The following FREM1 variants were observed in gnomAD, a reference collection of about 807,000 sequenced individuals.
FREM1 encodes the protein FRAS1-related extracellular matrix protein 1.
FREM1 carries 220 observed loss-of-function variants against 210.1 expected under a neutral mutation model. The observed-to-expected ratio is 1.05, with a 90% confidence interval of 0.94 to 1.17. The LOEUF is 1.17. Among genes scored for constraint, FREM1 ranks in the 50% most tolerant of loss-of-function variants. The probability of loss-of-function intolerance (pLI) is 0.00; values close to 1 mark genes in which losing one functional copy is unlikely to be tolerated. For synonymous variants in FREM1, 1,189 were observed against 980.2 expected (o/e 1.21, Z -3.98); for missense variants, 3,454 against 2,675.5 (o/e 1.29, Z -6.42).
At chr9:14,757,183 TA>T (rs1271921067) in intron 28 of FREM1, among the ~76,000 whole-genome samples, 1 of 152,134 alleles carries the variant, frequency 6.6e-6, no homozygotes, top group Admixed American at 6.5e-5. Context: ...GCCCCAAGAC[TA>T]AAAACCAAAG....
At chr9:14,843,706 T>A (rs1826094942) in intron 8 of FREM1, among the ~76,000 whole-genome samples, 1 of 152,034 alleles carries the variant, frequency 6.6e-6, no homozygotes, top group African/African-American at 2.4e-5. Flanking sequence ...TGGCAGCAGT[T>A]CTTAGAGGAG....
intron 5 of FREM1, among the ~76,000 whole-genome samples, chr9:14,856,991 G>A (rs538382012): frequency 3.9e-5 from 6 of 152,174 alleles, no homozygotes; most frequent in Admixed American, 2.6e-4. Context: ...TCAATATATA[G>A]AGATCAATAG....
chr9:14,771,322 T>C (rs901820771), intron 25 of FREM1, among the ~76,000 whole-genome samples: 9 of 152,162 alleles, frequency 5.9e-5, no homozygotes, highest in Non-Finnish European at 1.2e-4. Flanking sequence ...ATGTCTTTTT[T>C]CAACTGGCAA....
chr9:14,782,008 C>T (rs1025540639), intron 24 of FREM1, among the ~76,000 whole-genome samples: 5 of 152,208 alleles, frequency 3.3e-5, no homozygotes, highest in Non-Finnish European at 5.9e-5. Flanking sequence ...CCAGCCTCAA[C>T]TTCCATAAAT....
At chr9:14,793,596 C>A (rs1450045350) in intron 21 of FREM1, among the ~76,000 whole-genome samples, 1 of 152,182 alleles carries the variant, frequency 6.6e-6, no homozygotes, top group Non-Finnish European at 1.5e-5. Flanking sequence ...GGCCATTGTC[C>A]CTGGTCTCGC....
At chr9:14,874,924 T>C (rs1276200247) in intron 1 of FREM1, among the ~76,000 whole-genome samples, 3 of 152,216 alleles carry the variant, frequency 2.0e-5, no homozygotes, top group Non-Finnish European at 4.4e-5. Flanking sequence ...CCTTCACTTA[T>C]GATGCTTAGT....
chr9:14,814,137 G>C (rs1414236103), intron 15 of FREM1, among the ~76,000 whole-genome samples: 2 of 152,082 alleles, frequency 1.3e-5, no homozygotes, highest in Admixed American at 6.5e-5. Context: ...TCCTCCTTCA[G>C]GTTACATGGG....
At chr9:14,858,633 G>T (rs1387195444) in intron 4 of FREM1, among the ~76,000 whole-genome samples, 2 of 150,602 alleles carry the variant, frequency 1.3e-5, no homozygotes, top group African/African-American at 4.9e-5. Context: ...TATATTTCTT[G>T]GCTTCTCATA....
At chr9:14,755,948 A>G (rs1385259693) in intron 29 of FREM1, among the ~76,000 whole-genome samples, 1 of 152,218 alleles carries the variant, frequency 6.6e-6, no homozygotes, top group African/African-American at 2.4e-5. Flanking sequence ...ATCTCCTAAT[A>G]TCAACCTATT....
At chr9:14,859,733 A>G (rs529195403) in intron 3 of FREM1, among the ~76,000 whole-genome samples, 8 of 152,216 alleles carry the variant, frequency 5.3e-5, no homozygotes, top group Admixed American at 3.9e-4. Context: ...TCTCAAACTC[A>G]TCATGCACGT....
chr9:14,783,363 A>T (rs1344270437), intron 24 of FREM1, among the ~76,000 whole-genome samples: 1 of 152,240 alleles, frequency 6.6e-6, no homozygotes, highest in African/African-American at 2.4e-5. Context: ...TGAATAATAT[A>T]GGAGTATGCT....
intron 22 of FREM1, among the ~76,000 whole-genome samples, chr9:14,792,309 G>A: frequency 7.0e-6 from 1 of 143,146 alleles, no homozygotes; most frequent in East Asian, 2.0e-4. Context: ...CACACAGAGA[G>A]AGAGAGAGAT....
intron 1 of FREM1, among the ~76,000 whole-genome samples, chr9:14,907,915 C>T (rs1285493322): frequency 2.0e-5 from 3 of 152,130 alleles, no homozygotes; most frequent in African/African-American, 7.2e-5. Context: ...GGTTAGATGG[C>T]TCTTCCAAGG....
intron 24 of FREM1, among the ~76,000 whole-genome samples, chr9:14,778,091 G>C (rs968419726): frequency 6.6e-6 from 1 of 152,044 alleles, no homozygotes; most frequent in Non-Finnish European, 1.5e-5. Context: ...GACTTGTAAA[G>C]AATGAAACCT....
At chr9:14,745,170 C>G (rs1321595798) in intron 35 of FREM1, among the ~76,000 whole-genome samples, 1 of 152,090 alleles carries the variant, frequency 6.6e-6, no homozygotes, top group African/African-American at 2.4e-5. Context: ...GAGTAATAGG[C>G]TTAATACCTG....
chr9:14,769,617 A>G, intron 27 of FREM1, 107 bp downstream of exon 27: 1 of 1,179,162 alleles, frequency 8.5e-7, no homozygotes, highest in South Asian at 1.6e-5. Context: ...ATGGTCTATT[A>G]ATTTATCTTC....
chr9:14,903,444 A>C (rs942429651), intron 1 of FREM1, among the ~76,000 whole-genome samples: 2 of 152,204 alleles, frequency 1.3e-5, no homozygotes, highest in African/African-American at 4.8e-5. Context: ...CAATGGATTC[A>C]TGTTAAAAGG....
chr9:14,738,420 CT>C (rs949909462), intron 36 of FREM1, among the ~76,000 whole-genome samples: 17 of 152,100 alleles, frequency 1.1e-4, no homozygotes, highest in African/African-American at 3.9e-4. Flanking sequence ...AAATGAAATA[CT>C]TTTGGTTAGG....
rs1564108355 is a variant in FREM1 at position 14,861,310 on chromosome 9, TACATATATACAC to T, written c.330-1838_330-1827del. 1.3e-3 allele frequency among the ~76,000 whole-genome samples: 142 copies of T among 107,758 alleles called. 2 individuals carry two copies. Among genetic ancestry groups the T allele is most frequent in the African/African-American group, 7.5e-3 (137 of 18,214 alleles). 70.7% of individuals were successfully genotyped at this position (107,758 alleles called of 152,430 possible). Reference sequence around the variant, plus strand: ...ACATATATACATATATACACATATATACATATATACACATATATACATATATACACATATATA... The same window carrying T: ...ACATATATACATATATACACATATATATATATACATATATACACATATATA... On this transcript the variant is annotated intron_variant, in intron 3 of 36. Transcript: ENST00000380880.
Sources: allele counts gnomAD v4.1 joint callset (sites outside exome capture counted in the v4.1 genomes callset), GRCh38; gene constraint gnomAD v4.1.1; transcripts MANE v1.5; gene names NCBI Gene and HGNC (gene_info 2026-07-23, HGNC 2026-07-21).